Variants in SYN3 observed in about 807,000 individuals in gnomAD.
SYN3 encodes the protein synapsin III, also known as synapsin-3.
A neutral mutation model predicts 65.8 loss-of-function variants in SYN3; 35 were observed. The ratio of observed to expected loss-of-function variants is 0.53; its 90% CI spans 0.41 to 0.70. The LOEUF is 0.70. Ranked by LOEUF, SYN3 falls within the 30% of genes least tolerant of loss-of-function variation. The pLI, the probability that SYN3 is intolerant of heterozygous loss-of-function variation, is 0.00. For missense variants in SYN3, 680 were observed against 749.0 expected (o/e 0.91, Z 1.08); for synonymous variants, 270 against 292.9 (o/e 0.92, Z 0.80).
chr22:32,938,659 G>T (rs937024839), intron 3 of SYN3, among the ~76,000 whole-genome samples: 2 of 152,112 alleles, frequency 1.3e-5, no homozygotes, highest in Admixed American at 6.5e-5. Context: ...AGGCACAGTG[G>T]CTCATGTTTG....
At chr22:32,908,089 T>C (rs1190333996) in intron 4 of SYN3, among the ~76,000 whole-genome samples, 2 of 151,966 alleles carry the variant, frequency 1.3e-5, no homozygotes. Flanking sequence ...CATACCTTTT[T>C]TCTTTTTTTT....
At chr22:32,730,523 G>A (rs2061256398) in intron 6 of SYN3, among the ~76,000 whole-genome samples, 1 of 152,192 alleles carries the variant, frequency 6.6e-6, no homozygotes, top group African/African-American at 2.4e-5. Context: ...AGTTGACAGT[G>A]TGTTCAAGAG....
intron 2 of SYN3, among the ~76,000 whole-genome samples, chr22:33,005,231 C>T (rs1309462291): frequency 6.6e-6 from 1 of 152,154 alleles, no homozygotes; most frequent in Non-Finnish European, 1.5e-5. Context: ...TATGTGGCCA[C>T]CTTTGGAGAC....
chr22:32,643,564 G>GGAA (rs2059937022), intron 6 of SYN3, among the ~76,000 whole-genome samples: 1 of 95,584 alleles, frequency 1.0e-5, no homozygotes. Context: ...GGGCGGGGGG[G>GGAA]GCAGAACAGA....
At chr22:32,803,511 G>A (rs554295797) in intron 6 of SYN3, among the ~76,000 whole-genome samples, 12 of 152,300 alleles carry the variant, frequency 7.9e-5, no homozygotes, top group African/African-American at 2.9e-4. Flanking sequence ...CCTGGGGCCT[G>A]CATGGTACAT....
chr22:32,531,923 T>TA (rs1555890149), intron 10 of SYN3, among the ~76,000 whole-genome samples: 3 of 151,778 alleles, frequency 2.0e-5, no homozygotes, highest in South Asian at 4.2e-4. Flanking sequence ...TTTTTTTTTT[T>TA]AATGTGAAAG....
intron 1 of SYN3, among the ~76,000 whole-genome samples, chr22:33,034,377 G>T (rs2053814717): frequency 1.3e-5 from 2 of 151,628 alleles, no homozygotes; most frequent in Non-Finnish European, 2.9e-5. Flanking sequence ...CTCCCGAGTA[G>T]GTGGGATTAC....
chr22:32,588,306 G>A (rs1028674819), intron 7 of SYN3, among the ~76,000 whole-genome samples: 3 of 152,112 alleles, frequency 2.0e-5, no homozygotes, highest in Non-Finnish European at 4.4e-5. Context: ...TGAGGTGCTG[G>A]GAGTCAAGCC....
At chr22:32,934,273 T>C (rs1222316858) in intron 3 of SYN3, among the ~76,000 whole-genome samples, 1 of 152,130 alleles carries the variant, frequency 6.6e-6, no homozygotes, top group Non-Finnish European at 1.5e-5. Context: ...TCTTGGAAGA[T>C]AGAATCTCTG....
intron 6 of SYN3, among the ~76,000 whole-genome samples, chr22:32,688,840 C>T (rs930930736): frequency 5.3e-5 from 8 of 152,172 alleles, no homozygotes; most frequent in Admixed American, 2.0e-4. Context: ...CAGTCCTCAG[C>T]GGGTAAAATA....
chr22:32,974,521 C>A (rs1226719897), intron 3 of SYN3, among the ~76,000 whole-genome samples: 1 of 152,214 alleles, frequency 6.6e-6, no homozygotes, highest in Non-Finnish European at 1.5e-5. Context: ...TAAACGAATC[C>A]TCTTTCCTTA....
chr22:32,864,856 C>T (rs1017077998), intron 6 of SYN3, 59 bp downstream of exon 6: 13 of 1,486,668 alleles, frequency 8.7e-6, no homozygotes, highest in East Asian at 6.8e-5. Context: ...AGACCGAGGA[C>T]AAGTCATCTG....
chr22:32,533,301 T>G (rs1430961066), intron 10 of SYN3, among the ~76,000 whole-genome samples: 1 of 152,038 alleles, frequency 6.6e-6, no homozygotes, highest in Non-Finnish European at 1.5e-5. Flanking sequence ...CCCTCTCCCC[T>G]GCCAGCCTGC....
chr22:32,664,584 CTTTTT>C (rs71320943), intron 6 of SYN3, among the ~76,000 whole-genome samples: 12 of 69,052 alleles, frequency 1.7e-4, no homozygotes, highest in East Asian at 3.8e-4. Context: ...CAATTGGTCG[CTTTTT>C]TTTTTTTTTT....
chr22:32,864,505 C>A (rs972350165), intron 6 of SYN3: 1 of 162,052 alleles, frequency 6.2e-6, no homozygotes, highest in Admixed American at 5.9e-5. Flanking sequence ...ACAACCAATG[C>A]AAATCAAATA....
chr22:32,890,654 A>G (rs2049419390), intron 4 of SYN3, among the ~76,000 whole-genome samples: 1 of 152,172 alleles, frequency 6.6e-6, no homozygotes, highest in Non-Finnish European at 1.5e-5. Context: ...TGCTGGGATT[A>G]CAGGTGTGAG....
chr22:32,737,570 G>GT, intron 6 of SYN3, among the ~76,000 whole-genome samples: 1 of 152,006 alleles, frequency 6.6e-6, no homozygotes, highest in East Asian at 1.9e-4. Context: ...GAGGTGCTTG[G>GT]TTTTTTGTCC....
At position 32,759,065 on chromosome 22, in the gene SYN3, C is replaced by T. The variant is rs1334026831; in HGVS notation, c.711+105850G>A. On this transcript the variant is annotated intron_variant, in intron 6 of 13. Transcript: ENST00000358763. ...TACTCATAAGATTATATCCCAACCT[C>T]TCAATATCTCTCTAAGTTCTTTAAG... 8.5e-5 allele frequency among the ~76,000 whole-genome samples: 13 copies of T among 152,248 alleles called. No homozygotes were observed. The East Asian group carries it at 2.1e-3, about 25-fold the overall frequency.
intron 6 of SYN3, among the ~76,000 whole-genome samples, chr22:32,752,054 T>C (rs973423733): frequency 3.9e-5 from 6 of 152,354 alleles, no homozygotes; most frequent in South Asian, 4.1e-4. Context: ...GATTTGTTGA[T>C]TGGTGCATCC....
Sources: allele counts gnomAD v4.1 joint callset (sites outside exome capture counted in the v4.1 genomes callset), GRCh38; gene constraint gnomAD v4.1.1; transcripts MANE v1.5; gene names NCBI Gene and HGNC (gene_info 2026-07-23, HGNC 2026-07-21).